Variants in MAGI2 observed in about 807,000 individuals in gnomAD.
The protein encoded by MAGI2 is membrane-associated guanylate kinase, WW and PDZ domain-containing protein 2.
MAGI2 carries 35 observed loss-of-function variants against 133.3 expected under a neutral mutation model. The observed-to-expected ratio is 0.26, with a 90% CI of 0.20 to 0.35. MAGI2 has a LOEUF of 0.35. Among genes scored for constraint, MAGI2 ranks in the 10% least tolerant of loss-of-function variants. MAGI2 has a pLI of 1.00. For missense variants in MAGI2, 1,636 were observed against 1,863.4 expected (o/e 0.88, Z 2.25); for synonymous variants, 729 against 710.6 (o/e 1.03, Z -0.41).
chr7:78,640,585 G>A (rs540048076), intron 2 of MAGI2, among the ~76,000 whole-genome samples: 1 of 151,172 alleles, frequency 6.6e-6, no homozygotes, highest in Non-Finnish European at 1.5e-5. Context: ...ACACTTATTT[G>A]CCAGGACTAA....
At chr7:79,075,867 C>T (rs373555354) in intron 1 of MAGI2, among the ~76,000 whole-genome samples, 1 of 152,218 alleles carries the variant, frequency 6.6e-6, no homozygotes, top group South Asian at 2.1e-4. Flanking sequence ...GTAAACAACA[C>T]CACATAAATT....
intron 10 of MAGI2, among the ~76,000 whole-genome samples, chr7:78,248,913 C>G (rs1176648847): frequency 6.6e-6 from 1 of 151,858 alleles, no homozygotes; most frequent in African/African-American, 2.4e-5. Flanking sequence ...GAACAATCAA[C>G]AACCTCCAAA....
At chr7:78,764,787 G>A (rs781757786) in intron 2 of MAGI2, among the ~76,000 whole-genome samples, 17 of 152,136 alleles carry the variant, frequency 1.1e-4, no homozygotes, top group Non-Finnish European at 1.6e-4. Flanking sequence ...GGCAAGCTTC[G>A]TGCTATGTTA....
intron 9 of MAGI2, among the ~76,000 whole-genome samples, chr7:78,260,997 C>G (rs1398626470): frequency 6.6e-6 from 1 of 151,514 alleles, no homozygotes. Flanking sequence ...CCTCTTTCCT[C>G]TACCCCCGCA....
At chr7:78,045,897 A>G (rs949697303) in intron 21 of MAGI2, among the ~76,000 whole-genome samples, 2 of 152,186 alleles carry the variant, frequency 1.3e-5, no homozygotes, top group Non-Finnish European at 2.9e-5. Context: ...GTACTAATAT[A>G]TAAACCTTGT....
chr7:78,269,551 T>TTTC (rs1449735158), intron 9 of MAGI2, among the ~76,000 whole-genome samples: 1 of 141,612 alleles, frequency 7.1e-6, no homozygotes, highest in Non-Finnish European at 1.6e-5. Context: ...TGAGCTTTTT[T>TTTC]TTCATGTTTG....
At chr7:79,432,338 T>C (rs1384432216) in intron 1 of MAGI2, among the ~76,000 whole-genome samples, 1 of 152,206 alleles carries the variant, frequency 6.6e-6, no homozygotes, top group Non-Finnish European at 1.5e-5. Context: ...ACTAGCTGTT[T>C]GTTGAATTAT....
chr7:79,253,000 G>T (rs758920746), intron 1 of MAGI2, among the ~76,000 whole-genome samples: 8 of 152,044 alleles, frequency 5.3e-5, no homozygotes, highest in Non-Finnish European at 8.8e-5. Context: ...ATATCTAAAA[G>T]CACTTTGCAT....
At chr7:78,540,547 C>A (rs1674717865) in intron 3 of MAGI2, among the ~76,000 whole-genome samples, 3 of 152,160 alleles carry the variant, frequency 2.0e-5, no homozygotes, top group Non-Finnish European at 2.9e-5. Flanking sequence ...CTCTGCCCCT[C>A]CCCACCTGCC....
chr7:78,511,671 C>G (rs1245396781), intron 4 of MAGI2, among the ~76,000 whole-genome samples: 6 of 150,098 alleles, frequency 4.0e-5, no homozygotes, highest in Non-Finnish European at 8.9e-5. Flanking sequence ...ATCAAGTTAG[C>G]AGTAATAATT....
intron 2 of MAGI2, among the ~76,000 whole-genome samples, chr7:78,838,158 T>G (rs1206147154): frequency 6.6e-6 from 1 of 152,154 alleles, no homozygotes; most frequent in Non-Finnish European, 1.5e-5. Context: ...TGGTCTATGC[T>G]GGGTCTAGTC....
intron 2 of MAGI2, among the ~76,000 whole-genome samples, chr7:78,746,898 T>A (rs1563447092): frequency 6.6e-6 from 1 of 152,204 alleles, no homozygotes; most frequent in Non-Finnish European, 1.5e-5. Flanking sequence ...AAATATCTAA[T>A]TTTTCCTGAT....
chr7:78,973,960 A>G (rs1317663136), intron 2 of MAGI2, among the ~76,000 whole-genome samples: 1 of 151,842 alleles, frequency 6.6e-6, no homozygotes, highest in Non-Finnish European at 1.5e-5. Context: ...CTACCAAAGT[A>G]GTTAGGGAAT....
chr7:78,698,997 C>T (rs1817792800), intron 2 of MAGI2, among the ~76,000 whole-genome samples: 1 of 152,172 alleles, frequency 6.6e-6, no homozygotes, highest in African/African-American at 2.4e-5. Flanking sequence ...TATACTTTTA[C>T]CTTTATATAC....
chr7:78,768,866 A>G (rs1026295424), intron 2 of MAGI2, among the ~76,000 whole-genome samples: 1 of 152,174 alleles, frequency 6.6e-6, no homozygotes, highest in African/African-American at 2.4e-5. Context: ...CTAAGATTTA[A>G]ACCTGCTCTG....
At chr7:79,210,362 A>C (rs1453018361) in intron 1 of MAGI2, among the ~76,000 whole-genome samples, 1 of 152,106 alleles carries the variant, frequency 6.6e-6, no homozygotes, top group Non-Finnish European at 1.5e-5. Flanking sequence ...TTTCTGAGGT[A>C]TCTGGGGCTT....
chr7:78,820,527 C>T lies in MAGI2; in HGVS notation c.418+186563G>A, dbSNP rs185445139. On this transcript the variant is annotated intron_variant, in intron 2 of 21. Transcript: ENST00000354212. ...TAGTAATTTTTATTTTCCATTTTTC[C>T]TGATTTTAAAAAAGTGGAATAATAC... is the stretch of plus-strand genomic sequence containing the variant. Among the ~76,000 whole-genome samples the T allele has an allele frequency of 1.5e-3, 226 of 151,704 alleles. 1 individual carries two copies. The highest frequency in any genetic ancestry group is 5.1e-3 in the African/African-American group (213 of 41,448).
chr7:78,427,811 T>C (rs1467621401), intron 6 of MAGI2, among the ~76,000 whole-genome samples: 4 of 152,176 alleles, frequency 2.6e-5, no homozygotes, highest in African/African-American at 7.2e-5. Flanking sequence ...TAATCATATC[T>C]ACAATGTTTT....
intron 1 of MAGI2, among the ~76,000 whole-genome samples, chr7:79,426,896 A>G (rs985435449): frequency 1.3e-5 from 2 of 152,130 alleles, no homozygotes; most frequent in Admixed American, 1.3e-4. Context: ...GTACTTTTGA[A>G]AATTAGGGCA....
Sources: gnomAD v4.1 joint callset for allele counts (sites outside exome capture counted in the v4.1 genomes callset) on GRCh38, gnomAD v4.1.1 for gene constraint, MANE v1.5 for transcripts, NCBI Gene and HGNC (gene_info 2026-07-23, HGNC 2026-07-21) for gene names.